Variants in TMEM132B observed in about 807,000 individuals in gnomAD.
TMEM132B encodes transmembrane protein 132B.
A neutral mutation model predicts 90.8 loss-of-function variants in TMEM132B; 18 were observed. The ratio of observed to expected loss-of-function variants is 0.20; its 90% CI spans 0.14 to 0.29. The LOEUF (loss-of-function observed/expected upper bound fraction) is 0.29. TMEM132B is among the 10% of genes least tolerant of loss of function. The pLI, the probability that TMEM132B is intolerant of heterozygous loss-of-function variation, is 1.00. For missense variants in TMEM132B, 1,096 were observed against 1,326.8 expected (o/e 0.83, Z 2.70); for synonymous variants, 504 against 523.3 (o/e 0.96, Z 0.50).
intron 5 of TMEM132B, among the ~76,000 whole-genome samples, chr12:125,601,836 T>A (rs1481850596): frequency 1.3e-5 from 2 of 152,148 alleles, no homozygotes; most frequent in African/African-American, 4.8e-5. Flanking sequence ...TATAAACACT[T>A]CTATGCAAAT....
At chr12:125,198,697 A>T (rs1464202459) in intron 1 of TMEM132B, among the ~76,000 whole-genome samples, 1 of 152,238 alleles carries the variant, frequency 6.6e-6, no homozygotes, top group Non-Finnish European at 1.5e-5. Context: ...AAAGGAAAAT[A>T]TGGATGCTTG....
intron 1 of TMEM132B, among the ~76,000 whole-genome samples, chr12:125,321,878 G>A (rs1344323436): frequency 6.6e-6 from 1 of 151,960 alleles, no homozygotes; most frequent in Non-Finnish European, 1.5e-5. Flanking sequence ...GTTTATAAAT[G>A]TTTATTCGTC....
chr12:125,590,662 A>G (rs1428579992), intron 5 of TMEM132B, among the ~76,000 whole-genome samples: 1 of 152,248 alleles, frequency 6.6e-6, no homozygotes, highest in African/African-American at 2.4e-5. Context: ...TTTGGGAGAT[A>G]TAAAGGTGTA....
At chr12:125,204,898 G>T (rs988228579) in intron 1 of TMEM132B, among the ~76,000 whole-genome samples, 1 of 149,850 alleles carries the variant, frequency 6.7e-6, no homozygotes, top group African/African-American at 2.5e-5. Context: ...TTCAATGAGG[G>T]CTCCATGTGC....
chr12:125,558,780 C>T (rs1411838988), intron 4 of TMEM132B, among the ~76,000 whole-genome samples: 1 of 152,102 alleles, frequency 6.6e-6, no homozygotes, highest in Non-Finnish European at 1.5e-5. Context: ...TCAATTGATC[C>T]ACCCACTCAT....
At chr12:125,309,920 G>A (rs1876083797) in intron 1 of TMEM132B, among the ~76,000 whole-genome samples, 1 of 152,128 alleles carries the variant, frequency 6.6e-6, no homozygotes, top group African/African-American at 2.4e-5. Context: ...GTCATCTCAG[G>A]GCTCACTCGA....
chr12:125,226,996 A>C (rs1873695465), intron 1 of TMEM132B, among the ~76,000 whole-genome samples: 1 of 152,228 alleles, frequency 6.6e-6, no homozygotes, highest in African/African-American at 2.4e-5. Context: ...TTAGGTAGCA[A>C]TAATATTGAA....
intron 1 of TMEM132B, among the ~76,000 whole-genome samples, chr12:125,194,553 G>A (rs1440516181): frequency 6.6e-6 from 1 of 152,112 alleles, no homozygotes; most frequent in Non-Finnish European, 1.5e-5. Flanking sequence ...CGGAGTCTGC[G>A]GCTCTTTGTT....
rs750161667 is a variant in TMEM132B, at chr12:125,349,536, A to G, written c.152A>G (p.Asn51Ser). 3.1e-6 allele frequency: 5 copies of G among 1,614,068 alleles called. No homozygotes were observed. Among genetic ancestry groups the G allele is most frequent in the Admixed American group, 1.7e-5 (1 of 60,000 alleles). The change falls in exon 2 of 9, where the codon AAT (asparagine) becomes AGT (serine). Residue 51 changes from asparagine to serine, a missense_variant. Coordinates refer to ENST00000682704, the MANE Select transcript of TMEM132B (RefSeq NM_001366854.1). This position sits in a 1 kb window ranked among gnomAD's most constrained non-coding sequence, Gnocchi z 4.1. ...AYLPTNLHIS[N>S]AEESFFLKEA... ...CTCCCCACGAACTTGCACATCTCCAATGCAGAGGAGTCCTTTTTCCTTAAA... is the reference window on the plus strand; with the variant it reads ...CTCCCCACGAACTTGCACATCTCCAGTGCAGAGGAGTCCTTTTTCCTTAAA...
intron 2 of TMEM132B, among the ~76,000 whole-genome samples, chr12:125,391,714 AAG>A (rs1879025477): frequency 1.3e-5 from 2 of 152,128 alleles, no homozygotes; most frequent in Admixed American, 6.5e-5. Context: ...CAAACCCTAA[AAG>A]AGAGTACAAA....
At chr12:125,249,357 G>T (rs1393091622) in intron 1 of TMEM132B, among the ~76,000 whole-genome samples, 2 of 152,142 alleles carry the variant, frequency 1.3e-5, no homozygotes, top group African/African-American at 4.8e-5. Context: ...CGAGAACCAC[G>T]CTCTGAGAAC....
At chr12:125,227,274 G>A (rs1189387420) in intron 1 of TMEM132B, among the ~76,000 whole-genome samples, 1 of 152,204 alleles carries the variant, frequency 6.6e-6, no homozygotes, top group Non-Finnish European at 1.5e-5. Context: ...AGGTCTTGTG[G>A]CAGGAAGCAC....
chr12:125,640,736 G>T (rs1039437212), intron 5 of TMEM132B, among the ~76,000 whole-genome samples: 1 of 152,122 alleles, frequency 6.6e-6, no homozygotes, highest in Non-Finnish European at 1.5e-5. Flanking sequence ...GCTGGATTCA[G>T]TACAGGTAAA....
At chr12:125,607,597 A>G (rs1426127989) in intron 5 of TMEM132B, among the ~76,000 whole-genome samples, 1 of 152,260 alleles carries the variant, frequency 6.6e-6, no homozygotes, top group African/African-American at 2.4e-5. Flanking sequence ...TTTAACACTC[A>G]TAACAGTACA....
intron 5 of TMEM132B, among the ~76,000 whole-genome samples, chr12:125,615,406 C>CT (rs367587675): frequency 0.03 from 4,620 of 151,850 alleles, 222 homozygotes; most frequent in African/African-American, 0.1. Flanking sequence ...TGTATTGATT[C>CT]TTTTTTCTCC....
chr12:125,253,432 C>T (rs867800705), intron 1 of TMEM132B, among the ~76,000 whole-genome samples: 7 of 150,340 alleles, frequency 4.7e-5, no homozygotes, highest in Non-Finnish European at 8.9e-5. Context: ...CTTTCCCCCC[C>T]ACTTTTTTTT....
chr12:125,556,576 G>A (rs1884392916), intron 4 of TMEM132B, among the ~76,000 whole-genome samples: 1 of 152,182 alleles, frequency 6.6e-6, no homozygotes, highest in South Asian at 2.1e-4. Flanking sequence ...GAGAAAACCA[G>A]TTCCGTATGA....
chr12:125,369,086 T>C (rs1345769007), intron 2 of TMEM132B, among the ~76,000 whole-genome samples: 1 of 150,254 alleles, frequency 6.7e-6, no homozygotes, highest in African/African-American at 2.4e-5. Flanking sequence ...GTGTTCTCAT[T>C]GTTCAATTCC....
chr12:125,197,229 G>GA (rs1291339538), intron 1 of TMEM132B, among the ~76,000 whole-genome samples: 2 of 152,050 alleles, frequency 1.3e-5, no homozygotes, highest in African/African-American at 4.8e-5. Context: ...AAGATTAAAA[G>GA]AAAAAAATTC....
Sources: gnomAD v4.1 joint callset for allele counts (sites outside exome capture counted in the v4.1 genomes callset) on GRCh38, gnomAD v4.1.1 for gene constraint, Gnocchi (gnomAD v3.1) non-coding constraint, MANE v1.5 for transcripts, NCBI Gene and HGNC (gene_info 2026-07-23, HGNC 2026-07-21) for gene names.